Variants in PDZRN4 observed in about 807,000 individuals in gnomAD.
The protein encoded by PDZRN4 is PDZ domain-containing RING finger protein 4.
Under a neutral mutation model 99.0 loss-of-function variants are expected in PDZRN4, and 70 were observed. That is an observed-to-expected ratio of 0.71 (90% CI 0.58 to 0.86). The LOEUF (loss-of-function observed/expected upper bound fraction) is 0.86, where lower values mean the gene tolerates loss of function less well. Ranked by LOEUF, PDZRN4 falls within the 40% of genes least tolerant of loss-of-function variation. The pLI, the probability that PDZRN4 is intolerant of heterozygous loss-of-function variation, is 0.00. For missense variants in PDZRN4, 1,474 were observed against 1,331.2 expected, an observed-to-expected ratio of 1.11 and a Z score of -1.67; for synonymous variants, 551 against 501.6, an observed-to-expected ratio of 1.10 and a Z score of -1.32.
intron 3 of PDZRN4, among the ~76,000 whole-genome samples, chr12:41,312,710 T>C (rs1415390206): frequency 6.6e-6 from 1 of 152,076 alleles, no homozygotes; most frequent in Non-Finnish European, 1.5e-5. Context: ...TAGAACAGCA[T>C]GGGAAAGTCC....
intron 3 of PDZRN4, among the ~76,000 whole-genome samples, chr12:41,302,576 G>A (rs951875113): frequency 6.6e-6 from 1 of 152,088 alleles, no homozygotes; most frequent in African/African-American, 2.4e-5. Context: ...TTGTTCTCTA[G>A]GGAGTGGGTA....
At chr12:41,238,721 A>G (rs1951084006) in intron 3 of PDZRN4, among the ~76,000 whole-genome samples, 1 of 151,256 alleles carries the variant, frequency 6.6e-6, no homozygotes, top group Non-Finnish European at 1.5e-5. Context: ...AAAATAAAAA[A>G]TAAAATAAAA....
chr12:41,273,674 A>T (rs1408361561), intron 3 of PDZRN4, among the ~76,000 whole-genome samples: 1 of 151,484 alleles, frequency 6.6e-6, no homozygotes, highest in Non-Finnish European at 1.5e-5. Flanking sequence ...AGAAATTAGC[A>T]ATTTTAGGAA....
chr12:41,246,717 G>A (rs972466521), intron 3 of PDZRN4, among the ~76,000 whole-genome samples: 2 of 152,032 alleles, frequency 1.3e-5, no homozygotes, highest in Admixed American at 6.6e-5. Context: ...CCATTCAGTG[G>A]GAGTTGTAAA....
intron 3 of PDZRN4, among the ~76,000 whole-genome samples, chr12:41,264,290 T>A (rs1951262806): frequency 6.6e-6 from 1 of 152,176 alleles, no homozygotes; most frequent in Non-Finnish European, 1.5e-5. Context: ...TGTATACAAT[T>A]TACAAAATTA....
At chr12:41,344,527 C>G (rs1216602640) in intron 3 of PDZRN4, among the ~76,000 whole-genome samples, 1 of 148,396 alleles carries the variant, frequency 6.7e-6, no homozygotes, top group African/African-American at 2.5e-5. Context: ...GACAGAAAAA[C>G]TACCACCGTC....
At chr12:41,388,917 T>C (rs9783512) in intron 3 of PDZRN4, among the ~76,000 whole-genome samples, 79,889 of 151,962 alleles carry the variant, frequency 0.53, 21,782 homozygotes, top group African/African-American at 0.7. Context: ...GTCTTCTTCA[T>C]GTATACTCAT....
intron 3 of PDZRN4, among the ~76,000 whole-genome samples, chr12:41,205,037 T>C (rs1950839589): frequency 6.6e-6 from 1 of 151,868 alleles, no homozygotes; most frequent in African/African-American, 2.4e-5. Flanking sequence ...ATTTTTATGA[T>C]TCATAGACTA....
chr12:41,388,034 C>G (rs1952184240), intron 3 of PDZRN4, among the ~76,000 whole-genome samples: 2 of 152,130 alleles, frequency 1.3e-5, no homozygotes, highest in South Asian at 4.1e-4. Flanking sequence ...ATTGCCTATC[C>G]ATGTTAGACT....
At chr12:41,224,745 A>C (rs1950981583) in intron 3 of PDZRN4, among the ~76,000 whole-genome samples, 1 of 152,164 alleles carries the variant, frequency 6.6e-6, no homozygotes. Context: ...CTCTTAATTC[A>C]ATACACCTTT....
chr12:41,302,100 TTATA>T lies in PDZRN4; in HGVS notation c.843+107916_843+107919del, dbSNP rs552000209. On this transcript the variant is annotated intron_variant, in intron 3 of 9. Transcript: ENST00000402685. Reference sequence around the variant, plus strand: ...TATGCTTGTGTGTATATGTGTCTGATTATATATGTGCATATGCATACACACATGT... The same window carrying T: ...TATGCTTGTGTGTATATGTGTCTGATTATGTGCATATGCATACACACATGT... Among the ~76,000 whole-genome samples the T allele has an allele frequency of 3.5e-3, 537 of 152,192 alleles. 6 individuals are homozygous for T. Among genetic ancestry groups the T allele is most frequent in the African/African-American group, 0.012 (516 of 41,550 alleles).
chr12:41,465,200 T>G (rs1723329369), intron 3 of PDZRN4, among the ~76,000 whole-genome samples: 1 of 152,192 alleles, frequency 6.6e-6, no homozygotes, highest in African/African-American at 2.4e-5. Context: ...TACTCCTTTC[T>G]CTAAGGGCGT....
intron 5 of PDZRN4, among the ~76,000 whole-genome samples, chr12:41,527,319 T>A (rs1027399036): frequency 6.6e-6 from 1 of 152,152 alleles, no homozygotes; most frequent in African/African-American, 2.4e-5. Context: ...GGCAGGACCA[T>A]ATAAGGAAAA....
chr12:41,277,931 A>C (rs976599311), intron 3 of PDZRN4, among the ~76,000 whole-genome samples: 13 of 152,222 alleles, frequency 8.5e-5, no homozygotes, highest in Non-Finnish European at 1.6e-4. Flanking sequence ...TGTGGAATAA[A>C]AAGGATATTA....
intron 3 of PDZRN4, among the ~76,000 whole-genome samples, chr12:41,444,273 C>T (rs1164750082): frequency 2.6e-5 from 4 of 152,094 alleles, no homozygotes; most frequent in Admixed American, 6.6e-5. Context: ...AAATCCTTCA[C>T]CCAACGTCAT....
chr12:41,225,461 A>G (rs1241557148), intron 3 of PDZRN4, among the ~76,000 whole-genome samples: 1 of 151,530 alleles, frequency 6.6e-6, no homozygotes, highest in Admixed American at 6.6e-5. Flanking sequence ...GTCATCTGTC[A>G]CCTGTATTAC....
intron 3 of PDZRN4, among the ~76,000 whole-genome samples, chr12:41,298,966 C>T (rs1234612052): frequency 6.6e-6 from 1 of 152,108 alleles, no homozygotes; most frequent in Non-Finnish European, 1.5e-5. Flanking sequence ...ATCACTGCAT[C>T]CCCCTTTGGC....
At position 41,212,989 on chromosome 12, in the gene PDZRN4, C is replaced by T. The variant is rs576559190; in HGVS notation, c.843+18801C>T. On this transcript the variant is annotated intron_variant, in intron 3 of 9. Coordinates refer to ENST00000402685, the MANE Select transcript of PDZRN4 (RefSeq NM_001164595.2). ...GAGTGGGAGGGGCTAATTATTGGAA[C>T]ATCTCTTAAACAGGTTGACTACACA... Among the ~76,000 whole-genome samples, 11 of 152,118 alleles carry T rather than the reference C, an allele frequency of 7.2e-5. No individual in the cohort carries two copies. The South Asian group carries it at 2.3e-3, about 32-fold the overall frequency.
intron 3 of PDZRN4, chr12:41,413,153 G>T (rs981182221): frequency 6.6e-6 from 1 of 151,638 alleles, no homozygotes; most frequent in Non-Finnish European, 1.5e-5. Context: ...AGGAAAATGT[G>T]GTATACATAC....
Sources: gnomAD v4.1 joint callset for allele counts (sites outside exome capture counted in the v4.1 genomes callset) on GRCh38, gnomAD v4.1.1 for gene constraint, MANE v1.5 for transcripts, NCBI Gene and HGNC (gene_info 2026-07-23, HGNC 2026-07-21) for gene names.